CHSY3: variants seen among roughly 807,000 people sequenced by gnomAD.
CHSY3 encodes N-acetylgalactosaminyl-proteoglycan 3-beta-glucuronosyltransferase 3.
Under a neutral mutation model 67.2 loss-of-function variants are expected in CHSY3, and 35 were observed. The ratio of observed to expected loss-of-function variants is 0.52; its 90% CI spans 0.40 to 0.69. The LOEUF (loss-of-function observed/expected upper bound fraction) is 0.69. Ranked by LOEUF, CHSY3 falls within the 30% of genes least tolerant of loss-of-function variation. The pLI, the probability that CHSY3 is intolerant of heterozygous loss-of-function variation, is 0.00. For missense variants in CHSY3, 1,069 were observed against 1,138.5 expected (o/e 0.94, Z 0.88); for synonymous variants, 474 against 434.7 (o/e 1.09, Z -1.12).
At chr5:130,143,834 A>ATATATATG (rs1561557423) in intron 2 of CHSY3, among the ~76,000 whole-genome samples, 1 of 133,230 alleles carries the variant, frequency 7.5e-6, no homozygotes, top group Non-Finnish European at 1.6e-5. Flanking sequence ...ATATATATAT[A>ATATATATG]TATATATATA....
chr5:130,181,078 G>A (rs1770229012), intron 2 of CHSY3, among the ~76,000 whole-genome samples: 1 of 152,114 alleles, frequency 6.6e-6, no homozygotes, highest in African/African-American at 2.4e-5. Flanking sequence ...CTCAGAGGGT[G>A]AGATCATGTG....
At chr5:130,053,631 G>C (rs775161328) in intron 2 of CHSY3, among the ~76,000 whole-genome samples, 38 of 152,098 alleles carry the variant, frequency 2.5e-4, no homozygotes, top group Non-Finnish European at 4.4e-4. Flanking sequence ...GTCTTACAGT[G>C]GCTCCAGTGC....
intron 2 of CHSY3, chr5:130,140,910 C>A: frequency 1.4e-6 from 1 of 709,892 alleles, no homozygotes; most frequent in Non-Finnish European, 1.8e-6. Context: ...TTCAATACCT[C>A]CATTTTCCAT....
intron 2 of CHSY3, among the ~76,000 whole-genome samples, chr5:130,147,902 A>G (rs982271001): frequency 1.3e-5 from 2 of 152,174 alleles, no homozygotes; most frequent in Non-Finnish European, 2.9e-5. Context: ...GGTTTGTTAC[A>G]CAGGTAAACC....
intron 2 of CHSY3, among the ~76,000 whole-genome samples, chr5:129,920,536 G>A (rs1303533592): frequency 6.6e-6 from 1 of 152,166 alleles, no homozygotes; most frequent in Non-Finnish European, 1.5e-5. Context: ...GAGCTACCAT[G>A]CCCAGCCAAG....
chr5:130,090,019 C>T (rs1461653477), intron 2 of CHSY3, among the ~76,000 whole-genome samples: 1 of 152,164 alleles, frequency 6.6e-6, no homozygotes, highest in Non-Finnish European at 1.5e-5. Flanking sequence ...TTCCTTCTTT[C>T]CTTCATGCTC....
intron 2 of CHSY3, among the ~76,000 whole-genome samples, chr5:130,087,286 C>T (rs1448161418): frequency 6.6e-6 from 1 of 152,148 alleles, no homozygotes; most frequent in Non-Finnish European, 1.5e-5. Flanking sequence ...AAACTGCAAG[C>T]ATTCCCTTTG....
chr5:130,058,320 A>G (rs1183596123), intron 2 of CHSY3, among the ~76,000 whole-genome samples: 2 of 152,184 alleles, frequency 1.3e-5, no homozygotes, highest in Admixed American at 1.3e-4. Flanking sequence ...ATACAATATC[A>G]TAAAATAATA....
intron 2 of CHSY3, among the ~76,000 whole-genome samples, chr5:130,183,972 G>A (rs1289254491): frequency 6.6e-6 from 1 of 151,506 alleles, no homozygotes; most frequent in African/African-American, 2.4e-5. Context: ...CCCACTATAT[G>A]TATATTCTCT....
chr5:130,088,257 TA>T (rs1244530698), intron 2 of CHSY3, among the ~76,000 whole-genome samples: 1 of 151,768 alleles, frequency 6.6e-6, no homozygotes, highest in Admixed American at 6.6e-5. Flanking sequence ...CCTAAAACCA[TA>T]AAAACCCTGG....
chr5:130,129,359 T>G (rs1020793328), intron 2 of CHSY3, among the ~76,000 whole-genome samples: 1 of 152,150 alleles, frequency 6.6e-6, no homozygotes, highest in East Asian at 1.9e-4. Context: ...GAATCTCTAC[T>G]CATGATATGC....
chr5:130,135,139 CCTT>C (rs1561552981), intron 2 of CHSY3, among the ~76,000 whole-genome samples: 7 of 151,490 alleles, frequency 4.6e-5, no homozygotes. Flanking sequence ...ATGTGTGGTC[CCTT>C]CTTTATGGCT....
intron 2 of CHSY3, among the ~76,000 whole-genome samples, chr5:130,157,028 C>A (rs1769391136): frequency 6.6e-6 from 1 of 152,126 alleles, no homozygotes; most frequent in African/African-American, 2.4e-5. Context: ...TTGATTCAAA[C>A]ACAAGTTTAC....
intron 2 of CHSY3, among the ~76,000 whole-genome samples, chr5:130,152,468 T>A (rs1047776154): frequency 2.0e-5 from 3 of 152,220 alleles, no homozygotes; most frequent in African/African-American, 7.2e-5. Context: ...TTTGTAGATA[T>A]TTTTATGTCG....
At chr5:130,064,454 G>A (rs1374030910) in intron 2 of CHSY3, among the ~76,000 whole-genome samples, 1 of 152,100 alleles carries the variant, frequency 6.6e-6, no homozygotes, top group Non-Finnish European at 1.5e-5. Context: ...TCCTTTTTGT[G>A]TTCGGTTAAG....
chr5:130,075,901 T>C (rs1321730251), intron 2 of CHSY3, among the ~76,000 whole-genome samples: 2 of 152,156 alleles, frequency 1.3e-5, no homozygotes, highest in African/African-American at 4.8e-5. Flanking sequence ...AAAGTACTGT[T>C]TCCTCTTGAC....
intron 2 of CHSY3, among the ~76,000 whole-genome samples, chr5:130,081,013 G>A (rs1337883912): frequency 2.0e-5 from 3 of 152,076 alleles, no homozygotes; most frequent in Admixed American, 2.0e-4. Flanking sequence ...TGATTTTAGG[G>A]AGGTCGTAAT....
intron 2 of CHSY3, among the ~76,000 whole-genome samples, chr5:129,981,467 G>A (rs1047675149): frequency 2.0e-5 from 3 of 151,726 alleles, no homozygotes; most frequent in African/African-American, 7.3e-5. Flanking sequence ...CTGCAAATAA[G>A]GACAGTTTTA....
chr5:130,073,798 T>C (rs73785868), intron 2 of CHSY3, among the ~76,000 whole-genome samples: 9,634 of 152,234 alleles, frequency 0.063, 1,050 homozygotes, highest in African/African-American at 0.22. Flanking sequence ...TGCATACTTA[T>C]GTTTATTTCT....
Sources: gnomAD v4.1 joint callset for allele counts (sites outside exome capture counted in the v4.1 genomes callset) on GRCh38, gnomAD v4.1.1 for gene constraint, MANE v1.5 for transcripts, NCBI Gene and HGNC (gene_info 2026-07-23, HGNC 2026-07-21) for gene names.